SMC1B: variants seen among roughly 807,000 people sequenced by gnomAD.
The protein encoded by SMC1B is structural maintenance of chromosomes 1B.
A neutral mutation model predicts 157.9 loss-of-function variants in SMC1B; 60 were observed. The ratio of observed to expected loss-of-function variants is 0.38; its 90% CI spans 0.31 to 0.47. SMC1B has a LOEUF of 0.47. Ranked by LOEUF, SMC1B falls within the 20% of genes least tolerant of loss-of-function variation. SMC1B has a pLI of 0.99. For missense variants in SMC1B, 1,165 were observed against 1,426.2 expected, an observed-to-expected ratio of 0.82 and a Z score of 2.95; for synonymous variants, 445 against 483.0, an observed-to-expected ratio of 0.92 and a Z score of 1.03.
In SMC1B at chr22:45,406,557, C is replaced by T; in HGVS notation, c.518G>A (p.Arg173Lys). ...ELIGEYEEKKRKLQKAEEDAQ... is the reference protein window; with the variant it reads ...ELIGEYEEKKKKLQKAEEDAQ... Reference sequence around the variant, plus strand: ...ATCCTCTTCGGCTTTTTGTAACTTTCTTTTCTTTTCTTCATATTCTCCTAT... The same window carrying T: ...ATCCTCTTCGGCTTTTTGTAACTTTTTTTTCTTTTCTTCATATTCTCCTAT... The change falls in exon 4 of 25, where the codon AGA becomes AAA. Residue 173 changes from arginine to lysine, a missense_variant. Coordinates refer to ENST00000357450, the MANE Select transcript of SMC1B (RefSeq NM_148674.5). 6.2e-7 allele frequency: 1 copy of T among 1,613,058 alleles called. No individual in the cohort carries two copies. The highest frequency in any genetic ancestry group is 8.5e-7 in the Non-Finnish European group (1 of 1,179,814).
chr22:45,360,011 C>T, intron 17 of SMC1B, 53 bp from the exon 18 acceptor site: 3 of 1,391,598 alleles, frequency 2.2e-6, no homozygotes, highest in Admixed American at 3.9e-5. Context: ...TAACACTGCA[C>T]CAAGGAAGAA....
chr22:45,406,674 C>T lies in SMC1B; in HGVS notation c.412-11G>A, dbSNP rs1323589105. 1 of 1,599,844 alleles carries T rather than the reference C, an allele frequency of 6.3e-7. No homozygotes were observed. Among genetic ancestry groups the T allele is most frequent in the African/African-American group, 1.4e-5 (1 of 73,952 alleles). On this transcript the variant is annotated splice_polypyrimidine_tract_variant and intron_variant, in intron 3 of 24. Transcript: ENST00000357450. The stretch of plus-strand genomic sequence containing the variant: ...TGACTCTACAGTTCCCTTTTAAAAA[C>T]AGTAATGCACATCAACATATAAAAT...
At chr22:45,384,299 T>C (rs891365721) in intron 11 of SMC1B, among the ~76,000 whole-genome samples, 4 of 152,234 alleles carry the variant, frequency 2.6e-5, no homozygotes, top group Admixed American at 6.5e-5. Flanking sequence ...TTTTCCCCAG[T>C]TTGCCATTTT....
rs374742164 is a variant in SMC1B at position 45,413,448 on chromosome 22, T to C, written c.109+11A>G. ...GAGGCGCTCCGGTGGCGCCCTGAGC[T>C]GCTCAGTTACCAGAGCCGTTGGGGC... On this transcript the variant is annotated intron_variant, in intron 1 of 24. Coordinates refer to ENST00000357450, the MANE Select transcript of SMC1B (RefSeq NM_148674.5). The C allele has an allele frequency of 9.2e-5, 146 of 1,592,732 alleles. No individual in the cohort carries two copies. The African/African-American group carries it at 1.8e-3, about 20-fold the overall frequency.
intron 7 of SMC1B, among the ~76,000 whole-genome samples, chr22:45,395,805 C>T (rs1397341562): frequency 6.6e-6 from 1 of 152,110 alleles, no homozygotes; most frequent in Non-Finnish European, 1.5e-5. Flanking sequence ...TGTAGTGAAC[C>T]GAGATCGCGT....
At chr22:45,403,637 T>C (rs2087222766) in intron 4 of SMC1B, among the ~76,000 whole-genome samples, 1 of 151,914 alleles carries the variant, frequency 6.6e-6, no homozygotes, top group South Asian at 2.1e-4. Flanking sequence ...TATTTTTATT[T>C]TTGTAGAGAT....
intron 12 of SMC1B, among the ~76,000 whole-genome samples, chr22:45,375,013 G>A (rs2086871192): frequency 6.6e-6 from 1 of 152,100 alleles, no homozygotes. Context: ...GAAAAGGGGG[G>A]AAATGTGAAA....
chr22:45,392,096 A>G (rs747188709), intron 9 of SMC1B, among the ~76,000 whole-genome samples: 62 of 152,120 alleles, frequency 4.1e-4, no homozygotes, highest in Middle Eastern at 3.4e-3. Context: ...ATAGGCATGC[A>G]CCACCACGCC....
rs1206997895 is a variant in SMC1B, at chr22:45,393,707, G to T, written c.1472C>A (p.Thr491Asn). The T allele has an allele frequency of 1.9e-6, 3 of 1,613,946 alleles. No individual in the cohort carries two copies. Among genetic ancestry groups the T allele is most frequent in the South Asian group, 2.2e-5 (2 of 91,068 alleles). ...RSELQNAGIDTHEGKRQQKRA... is the reference protein window; with the variant it reads ...RSELQNAGIDNHEGKRQQKRA... ...CTTTTGCTGACGTTTTCCCTCATGG[G>T]TATCAATCCCAGCATTCTGCAATTC... Residue 491 changes from threonine (T) to asparagine (N), a missense_variant, in exon 9 of 25, where the codon ACC (threonine) becomes AAC (asparagine). Coordinates refer to ENST00000357450, the MANE Select transcript of SMC1B (RefSeq NM_148674.5).
In SMC1B at chr22:45,359,952, C is replaced by T. The variant is rs1290413861; in HGVS notation, c.2715G>A (p.Val905=). ...TTACAACTTCTTTTTGCAATTTCCC[C>T]ACTTCCCTGTAATTACACAGATATG... ...RKKFLAVDRE[V]GKLQKEVVSI... The change falls in exon 18 of 25, where the codon GTG becomes GTA. Residue 905 remains valine, a synonymous_variant. Coordinates refer to ENST00000357450, the MANE Select transcript of SMC1B (RefSeq NM_148674.5). The T allele has an allele frequency of 1.9e-6, 3 of 1,613,240 alleles. No individual in the cohort carries two copies. The South Asian group carries it at 3.3e-5, about 18-fold the overall frequency.
At chr22:45,375,991 C>A (rs1242592194) in intron 12 of SMC1B, among the ~76,000 whole-genome samples, 5 of 152,028 alleles carry the variant, frequency 3.3e-5, no homozygotes, top group African/African-American at 1.2e-4. Flanking sequence ...GCTGTAAGCC[C>A]ATCTGGTCCC....
At chr22:45,354,195 T>A in intron 20 of SMC1B, 63 bp from the exon 21 acceptor site, 1 of 1,274,514 alleles carries the variant, frequency 7.8e-7, no homozygotes, top group Non-Finnish European at 1.0e-6. Flanking sequence ...ACTTAAACTG[T>A]AAAGCATAAA....
chr22:45,413,489 A>C lies in SMC1B; in HGVS notation c.79T>G (p.Phe27Val). ...GRQVIGPFRR[F>V]TCIIGPNGSG... Reference sequence around the variant, plus strand: ...CCGTTGGGGCCGATGATGCAGGTGAACCTCCGGAAGGGGCCAATGACCTGG... The same window carrying C: ...CCGTTGGGGCCGATGATGCAGGTGACCCTCCGGAAGGGGCCAATGACCTGG... Residue 27 changes from phenylalanine (F) to valine (V), a missense_variant, in exon 1 of 25, where the codon TTC (phenylalanine) becomes GTC (valine). Transcript: ENST00000357450. 1 of 1,608,818 alleles carries C rather than the reference A, an allele frequency of 6.2e-7. No individual in the cohort carries two copies. The highest frequency in any genetic ancestry group is 1.1e-5 in the South Asian group (1 of 90,122).
intron 12 of SMC1B, among the ~76,000 whole-genome samples, chr22:45,382,169 T>C (rs1341360302): frequency 2.0e-5 from 3 of 152,212 alleles, no homozygotes; most frequent in Non-Finnish European, 4.4e-5. Context: ...GAATTTGGTC[T>C]TTCTAAGCAT....
intron 21 of SMC1B, 117 bp downstream of exon 21, chr22:45,353,861 G>T: frequency 2.5e-6 from 2 of 805,694 alleles, no homozygotes; most frequent in Non-Finnish European, 3.7e-6. Flanking sequence ...TGAGTGAGTT[G>T]CTCAAATAAT....
At chr22:45,402,951 C>G (rs1366331011) in intron 4 of SMC1B, among the ~76,000 whole-genome samples, 1 of 152,192 alleles carries the variant, frequency 6.6e-6, no homozygotes, top group East Asian at 1.9e-4. Flanking sequence ...ACTTTAAATT[C>G]AATGACTCCA....
chr22:45,395,579 T>G (rs1174585979), intron 7 of SMC1B, among the ~76,000 whole-genome samples: 1 of 152,158 alleles, frequency 6.6e-6, no homozygotes, highest in Non-Finnish European at 1.5e-5. Flanking sequence ...AAAAATTGAC[T>G]GGGCACGGTG....
intron 1 of SMC1B, among the ~76,000 whole-genome samples, chr22:45,412,267 C>A (rs1395425968): frequency 6.6e-6 from 1 of 151,742 alleles, no homozygotes; most frequent in Non-Finnish European, 1.5e-5. Flanking sequence ...GTGGTGCTAT[C>A]TTGGCTCACT....
At chr22:45,374,353 T>A (rs1425537686) in intron 12 of SMC1B, among the ~76,000 whole-genome samples, 1 of 152,170 alleles carries the variant, frequency 6.6e-6, no homozygotes, top group Admixed American at 6.5e-5. Flanking sequence ...ATGGTCTTTC[T>A]AGAGATTGGG....
Sources: allele counts gnomAD v4.1 joint callset (sites outside exome capture counted in the v4.1 genomes callset), GRCh38; gene constraint gnomAD v4.1.1; transcripts MANE v1.5; gene names NCBI Gene and HGNC (gene_info 2026-07-23, HGNC 2026-07-21).